PRKN: variants seen among roughly 807,000 people sequenced by gnomAD.
PRKN encodes the protein E3 ubiquitin-protein ligase parkin.
Under a neutral mutation model 59.5 loss-of-function variants are expected in PRKN, and 56 were observed. The observed-to-expected ratio is 0.94, with a 90% CI of 0.76 to 1.18. The LOEUF is 1.18. Ranked by LOEUF, PRKN falls within the 50% of genes most tolerant of loss-of-function variation. PRKN has a pLI of 0.00. For synonymous variants in PRKN, 250 were observed against 222.1 expected (o/e 1.13, Z -1.12); for missense variants, 657 against 596.4 (o/e 1.10, Z -1.06).
At chr6:162,456,653 A>G (rs935079918) in intron 1 of PRKN, among the ~76,000 whole-genome samples, 4 of 152,200 alleles carry the variant, frequency 2.6e-5, no homozygotes, top group Non-Finnish European at 5.9e-5. Flanking sequence ...ATACTAAAGC[A>G]TTGTTCCTAG....
At position 161,874,963 on chromosome 6, in the gene PRKN, AATATATAATTTATTATATTATATACTTT is replaced by A. The variant is rs1323772190; in HGVS notation, c.735-89083_735-89056del. ...AATATATTATAGGTACTTTATATAT[AATATATAATTTATTATATTATATACTTT>A]ATATATAATATATTATATATTATAT... On this transcript the variant is annotated intron_variant, in intron 6 of 11. Coordinates refer to ENST00000366898, the MANE Select transcript of PRKN (RefSeq NM_004562.3). 1.9e-4 allele frequency among the ~76,000 whole-genome samples: 17 copies of A among 91,240 alleles called. 1 individual carries two copies. The highest frequency in any genetic ancestry group is 3.8e-4 in the African/African-American group (7 of 18,292). The allele number at this position is 91,240 out of a possible 152,430, so 59.9% of individuals were successfully genotyped here.
At chr6:162,210,140 C>A (rs572325297) in intron 3 of PRKN, among the ~76,000 whole-genome samples, 2 of 33,474 alleles carry the variant, frequency 6.0e-5, no homozygotes, top group East Asian at 2.4e-3. Context: ...AATAAAGAGG[C>A]AGCACCTCTC....
chr6:162,364,790 G>A lies in PRKN; in HGVS notation c.171+78520C>T, dbSNP rs376809578. Among the ~76,000 whole-genome samples, 12 of 152,230 alleles carry A rather than the reference G, an allele frequency of 7.9e-5. No homozygotes were observed. In the South Asian group the frequency reaches 1.9e-3, roughly 24 times the overall value. On this transcript the variant is annotated intron_variant, in intron 2 of 11. Transcript: ENST00000366898. ...GAGGAGAGGCTTACATTTCCAGAAT[G>A]AGCCAGAGTTCAGATAAAGATATTT...
chr6:162,039,327 G>GC (rs1783972885), intron 5 of PRKN, among the ~76,000 whole-genome samples: 2 of 152,130 alleles, frequency 1.3e-5, no homozygotes, highest in Non-Finnish European at 2.9e-5. Flanking sequence ...GGTTCATTCG[G>GC]CCCCACCAAG....
At chr6:162,627,406 T>C (rs1782937745) in intron 1 of PRKN, among the ~76,000 whole-genome samples, 1 of 152,194 alleles carries the variant, frequency 6.6e-6, no homozygotes, top group Admixed American at 6.5e-5. Context: ...TAGAAATTAT[T>C]TCCCCAGATT....
In PRKN at chr6:162,257,897, C is replaced by G. The variant is rs187528107; in HGVS notation, c.412+4628G>C. ...CCATTGTTCAAAAGTCAAATTTTCT[C>G]AACAGGGTCAAATCCTGGGCCCAGC... On this transcript the variant is annotated intron_variant, in intron 3 of 11. Transcript: ENST00000366898. 1.7e-4 allele frequency among the ~76,000 whole-genome samples: 26 copies of G among 152,210 alleles called. 1 individual carries two copies. The highest frequency in any genetic ancestry group is 1.5e-3 in the Admixed American group (23 of 15,296).
intron 2 of PRKN, among the ~76,000 whole-genome samples, chr6:162,355,207 A>G (rs1784799206): frequency 6.6e-6 from 1 of 151,504 alleles, no homozygotes; most frequent in South Asian, 2.1e-4. Context: ...CAATTTAATT[A>G]TAGGTGTTTG....
chr6:162,155,520 T>C (rs1464692928), intron 4 of PRKN, among the ~76,000 whole-genome samples: 1 of 151,978 alleles, frequency 6.6e-6, no homozygotes, highest in Non-Finnish European at 1.5e-5. Context: ...AAGCAGAATA[T>C]CATAGATACA....
At position 161,388,044 on chromosome 6, in the gene PRKN, C is replaced by T. The variant is rs1786344531; in HGVS notation, c.1084-1167G>A. Among the ~76,000 whole-genome samples the T allele has an allele frequency of 1.3e-5, 2 of 152,190 alleles. No individual in the cohort carries two copies. Among genetic ancestry groups the T allele is most frequent in the African/African-American group, 2.4e-5 (1 of 41,450 alleles). ...GGGCTGTCTGTCTGGGATCCATGGA[C>T]CTCTCCTGAAAGCACGTCCCATTCT... On this transcript the variant is annotated intron_variant, in intron 9 of 11. Coordinates refer to ENST00000366898, the MANE Select transcript of PRKN (RefSeq NM_004562.3). The surrounding 1 kb of genome is among the most constrained non-coding windows in gnomAD (Gnocchi z 4.3).
chr6:162,636,320 A>C (rs1562456841), intron 1 of PRKN, among the ~76,000 whole-genome samples: 1 of 152,186 alleles, frequency 6.6e-6, no homozygotes, highest in Admixed American at 6.5e-5. Context: ...ATAGCACCAA[A>C]TGTTTGGCTA....
intron 5 of PRKN, among the ~76,000 whole-genome samples, chr6:161,999,631 G>A (rs973298917): frequency 6.6e-6 from 1 of 152,080 alleles, no homozygotes; most frequent in Non-Finnish European, 1.5e-5. Context: ...AAGAGGTGAG[G>A]AGTGATTGCA....
intron 6 of PRKN, among the ~76,000 whole-genome samples, chr6:161,890,924 C>A (rs1223878258): frequency 1.3e-5 from 2 of 152,142 alleles, no homozygotes; most frequent in South Asian, 2.1e-4. Flanking sequence ...AGATGCCAGG[C>A]GGAACTTGCC....
At position 162,056,988 on chromosome 6, in the gene PRKN, T is replaced by C. The variant is rs971432824; in HGVS notation, c.535-2814A>G. ...CCCCTCGCTTCATATCCTTTTGTTGTAGTGAATCTTAGCTATGTGTGTGAC... is the reference window on the plus strand; with the variant it reads ...CCCCTCGCTTCATATCCTTTTGTTGCAGTGAATCTTAGCTATGTGTGTGAC... On this transcript the variant is annotated intron_variant, in intron 4 of 11. Coordinates refer to ENST00000366898, the MANE Select transcript of PRKN (RefSeq NM_004562.3). The surrounding 1 kb of genome is among the most constrained non-coding windows in gnomAD (Gnocchi z 4.9). Among the ~76,000 whole-genome samples the C allele has an allele frequency of 2.6e-5, 4 of 152,098 alleles. No individual in the cohort carries two copies. Among genetic ancestry groups the C allele is most frequent in the African/African-American group, 7.2e-5 (3 of 41,420 alleles).
chr6:162,137,124 G>T (rs1781588113), intron 4 of PRKN, among the ~76,000 whole-genome samples: 1 of 152,018 alleles, frequency 6.6e-6, no homozygotes, highest in African/African-American at 2.4e-5. Flanking sequence ...GACTATCAAA[G>T]AATCATTTAT....
intron 1 of PRKN, among the ~76,000 whole-genome samples, chr6:162,622,111 C>CCACCGCACCCAA (rs1562444673): frequency 1.9e-4 from 28 of 150,416 alleles, no homozygotes; most frequent in African/African-American, 6.8e-4. Context: ...CCGCACCCAG[C>CCACCGCACCCAA]CTAATCTTCA....
intron 1 of PRKN, among the ~76,000 whole-genome samples, chr6:162,544,158 T>G (rs1176502336): frequency 6.6e-6 from 1 of 152,126 alleles, no homozygotes; most frequent in African/African-American, 2.4e-5. Flanking sequence ...GTTGCATGGA[T>G]AAATACATAG....
At chr6:162,235,971 AAG>A (rs61314611) in intron 3 of PRKN, among the ~76,000 whole-genome samples, 1,133 of 97,624 alleles carry the variant, frequency 0.012, 54 homozygotes, top group South Asian at 0.073. Flanking sequence ...GAAAGAAAGA[AAG>A]AAAGAAAGAA....
chr6:161,918,736 A>G (rs771365615), intron 6 of PRKN, among the ~76,000 whole-genome samples: 11 of 152,214 alleles, frequency 7.2e-5, no homozygotes, highest in Non-Finnish European at 1.0e-4. Flanking sequence ...ACACAATGCC[A>G]TGTAATTAGG....
chr6:161,381,652 A>T (rs1785990459), intron 10 of PRKN, among the ~76,000 whole-genome samples: 1 of 152,202 alleles, frequency 6.6e-6, no homozygotes. Flanking sequence ...CCCTGAAGCT[A>T]CTGTCTATTC....
Sources: allele counts gnomAD v4.1 joint callset (sites outside exome capture counted in the v4.1 genomes callset), GRCh38; gene constraint gnomAD v4.1.1; non-coding constraint Gnocchi (gnomAD v3.1); transcripts MANE v1.5; gene names NCBI Gene and HGNC (gene_info 2026-07-23, HGNC 2026-07-21).